Variants in SAMD5 observed in about 807,000 individuals in gnomAD.
SAMD5 encodes sterile alpha motif domain-containing protein 5.
Under a neutral mutation model 11.3 loss-of-function variants are expected in SAMD5, and 13 were observed. That is an observed-to-expected ratio of 1.15 (90% confidence interval 0.75 to 1.83). The LOEUF (loss-of-function observed/expected upper bound fraction) is 1.83. Among genes scored for constraint, SAMD5 ranks in the 40% most tolerant of loss-of-function variants. The probability of loss-of-function intolerance (pLI) is 0.00; values close to 1 mark genes in which losing one functional copy is unlikely to be tolerated. For missense variants in SAMD5, 255 were observed against 239.1 expected, an observed-to-expected ratio of 1.07 and a Z score of -0.44; for synonymous variants, 129 against 111.3, an observed-to-expected ratio of 1.16 and a Z score of -1.00.
At chr6:147,641,434 C>T (rs1366919823) in intron 1 of SAMD5, among the ~76,000 whole-genome samples, 2 of 152,090 alleles carry the variant, frequency 1.3e-5, no homozygotes, top group African/African-American at 4.8e-5. Context: ...ACCTTTTGTA[C>T]CTGGTAAAGT....
At chr6:147,915,287 A>T in the SAMD5 span, among the ~76,000 whole-genome samples, 1 of 152,360 alleles carries the variant, frequency 6.6e-6, no homozygotes, top group Admixed American at 6.5e-5. Context: ...GTACATAATG[A>T]TACATAATTT....
At chr6:147,879,705 GT>G in the SAMD5 span, among the ~76,000 whole-genome samples, 7 of 152,094 alleles carry the variant, frequency 4.6e-5, no homozygotes, top group Non-Finnish European at 1.0e-4. Context: ...TTTAAAGCAT[GT>G]CCTAAAAGAC....
the SAMD5 span, among the ~76,000 whole-genome samples, chr6:147,866,170 T>C: frequency 6.6e-6 from 1 of 152,194 alleles, no homozygotes; most frequent in Admixed American, 6.5e-5. Context: ...GTGTGTATCA[T>C]ACACCTCCAA....
chr6:147,811,626 C>T, the SAMD5 span, among the ~76,000 whole-genome samples: 9 of 151,890 alleles, frequency 5.9e-5, no homozygotes, highest in South Asian at 1.5e-3. Flanking sequence ...CTGATGGCCA[C>T]GAGAGTGCCA....
At chr6:147,818,946 G>A in the SAMD5 span, among the ~76,000 whole-genome samples, 2 of 152,036 alleles carry the variant, frequency 1.3e-5, no homozygotes, top group Non-Finnish European at 2.9e-5. Flanking sequence ...AATAACAGAA[G>A]TACCATCCAA....
chr6:147,611,824 T>C (rs746039403), intron 1 of SAMD5, among the ~76,000 whole-genome samples: 8 of 152,134 alleles, frequency 5.3e-5, no homozygotes, highest in Non-Finnish European at 1.5e-5. Flanking sequence ...GGAGGTTGCC[T>C]AGAACCCTGG....
At chr6:147,562,776 C>T (rs542602041) in intron 1 of SAMD5, among the ~76,000 whole-genome samples, 2 of 151,908 alleles carry the variant, frequency 1.3e-5, no homozygotes, top group South Asian at 2.1e-4. Context: ...GAGCCGAGAT[C>T]GCACCACTGC....
chr6:147,666,485 T>A (rs554702085), intron 1 of SAMD5, among the ~76,000 whole-genome samples: 1 of 152,256 alleles, frequency 6.6e-6, no homozygotes, highest in Non-Finnish European at 1.5e-5. Flanking sequence ...AGGCCCTTCC[T>A]CCTCAGCTCC....
downstream of SAMD5, among the ~76,000 whole-genome samples, chr6:147,738,236 G>A (rs1285835562): frequency 2.0e-5 from 3 of 152,194 alleles, no homozygotes; most frequent in Non-Finnish European, 4.4e-5. Flanking sequence ...TGCATGTCTA[G>A]TTCCGATGTT....
chr6:147,877,291 A>G, the SAMD5 span, among the ~76,000 whole-genome samples: 1 of 152,178 alleles, frequency 6.6e-6, no homozygotes. Context: ...TTAAGAACTG[A>G]AGCCAAAATG....
the SAMD5 span, among the ~76,000 whole-genome samples, chr6:147,797,946 A>T: frequency 2.7e-5 from 4 of 149,210 alleles, no homozygotes; most frequent in African/African-American, 9.9e-5. Context: ...TGTCTATTTG[A>T]TTCTTCTCTC....
At chr6:147,730,403 T>C (rs1337557670) in intron 1 of SAMD5, among the ~76,000 whole-genome samples, 1 of 152,156 alleles carries the variant, frequency 6.6e-6, no homozygotes, top group Non-Finnish European at 1.5e-5. Context: ...TCCAGTAAGA[T>C]AAGCTGTAAG....
chr6:147,800,348 C>T, the SAMD5 span, among the ~76,000 whole-genome samples: 1 of 152,112 alleles, frequency 6.6e-6, no homozygotes, highest in African/African-American at 2.4e-5. Flanking sequence ...TCAGTGTGCC[C>T]CTGCTGGAGG....
At chr6:147,707,563 A>C (rs187584930) in intron 1 of SAMD5, among the ~76,000 whole-genome samples, 1 of 152,322 alleles carries the variant, frequency 6.6e-6, no homozygotes, top group South Asian at 2.1e-4. Flanking sequence ...AGCCCTGCTT[A>C]TCTCTTTGCT....
At chr6:147,577,148 T>A (rs568663776) in intron 1 of SAMD5, among the ~76,000 whole-genome samples, 97 of 152,320 alleles carry the variant, frequency 6.4e-4, no homozygotes, top group African/African-American at 2.2e-3. Context: ...TACTTCACAG[T>A]GATGAAAGTC....
intron 1 of SAMD5, among the ~76,000 whole-genome samples, chr6:147,632,080 A>T (rs2128451400): frequency 6.6e-6 from 1 of 152,148 alleles, no homozygotes; most frequent in East Asian, 1.9e-4. Flanking sequence ...GGAGTGACCG[A>T]TGAGAAGGAG....
the SAMD5 span, among the ~76,000 whole-genome samples, chr6:147,902,115 C>T: frequency 6.6e-6 from 1 of 151,502 alleles, no homozygotes; most frequent in African/African-American, 2.4e-5. Context: ...TAATTTAAGC[C>T]TTGAATAGTA....
chr6:147,517,480 T>G (rs1202701601), intron 1 of SAMD5, among the ~76,000 whole-genome samples: 1 of 152,238 alleles, frequency 6.6e-6, no homozygotes, highest in African/African-American at 2.4e-5. Context: ...CAGATCTTAT[T>G]CCTAATGATA....
chr6:147,581,835 G>C (rs1789303052), intron 1 of SAMD5, among the ~76,000 whole-genome samples: 1 of 152,154 alleles, frequency 6.6e-6, no homozygotes, highest in African/African-American at 2.4e-5. Flanking sequence ...AGCTATACCT[G>C]GTGGGGCAGG....
Sources: allele counts gnomAD v4.1 joint callset (sites outside exome capture counted in the v4.1 genomes callset), GRCh38; gene constraint gnomAD v4.1.1; transcripts MANE v1.5; gene names NCBI Gene and HGNC (gene_info 2026-07-23, HGNC 2026-07-21).